CNBD1: variants seen among roughly 807,000 people sequenced by gnomAD.
CNBD1 encodes cyclic nucleotide binding domain containing 1.
CNBD1 carries 71 observed loss-of-function variants against 54.4 expected under a neutral mutation model. The observed-to-expected ratio is 1.30, with a 90% confidence interval of 1.08 to 1.59. The LOEUF (loss-of-function observed/expected upper bound fraction) is 1.59. Ranked by LOEUF, CNBD1 falls within the 40% of genes most tolerant of loss-of-function variation. The probability of loss-of-function intolerance (pLI) is 0.00; values close to 1 mark genes in which losing one functional copy is unlikely to be tolerated. For missense variants in CNBD1, 659 were observed against 518.0 expected, an observed-to-expected ratio of 1.27 and a Z score of -2.64; for synonymous variants, 182 against 170.7, an observed-to-expected ratio of 1.07 and a Z score of -0.51.
At chr8:87,229,205 G>A (rs763845864) in intron 5 of CNBD1, among the ~76,000 whole-genome samples, 16 of 152,066 alleles carry the variant, frequency 1.1e-4, no homozygotes, top group South Asian at 1.0e-3. Flanking sequence ...GAAATCACCC[G>A]TCTTCTGCAT....
intron 4 of CNBD1, among the ~76,000 whole-genome samples, chr8:86,976,958 C>T (rs1336275253): frequency 1.3e-5 from 2 of 151,980 alleles, no homozygotes; most frequent in South Asian, 2.1e-4. Context: ...TAAGATCATT[C>T]TATCGGCAAA....
chr8:86,905,547 A>G (rs934556454), intron 3 of CNBD1, among the ~76,000 whole-genome samples: 1 of 152,120 alleles, frequency 6.6e-6, no homozygotes, highest in African/African-American at 2.4e-5. Context: ...GGTGGAGGAT[A>G]TTTGGAGGTG....
At chr8:87,205,760 G>T (rs762721737) in intron 4 of CNBD1, among the ~76,000 whole-genome samples, 1 of 152,024 alleles carries the variant, frequency 6.6e-6, no homozygotes, top group Admixed American at 6.6e-5. Flanking sequence ...ATTTAAAAAG[G>T]CATTGTGTAA....
At chr8:87,129,619 T>A (rs1812074827) in intron 4 of CNBD1, among the ~76,000 whole-genome samples, 1 of 152,206 alleles carries the variant, frequency 6.6e-6, no homozygotes, top group Non-Finnish European at 1.5e-5. Context: ...TTTTTGTTTT[T>A]CAAGATGTAG....
In CNBD1 at chr8:87,249,730, A is replaced by G. The variant is rs78833643; in HGVS notation, c.771+12618A>G. 3.7e-3 allele frequency among the ~76,000 whole-genome samples: 566 copies of G among 152,306 alleles called. 2 individuals are homozygous for G. Among genetic ancestry groups the G allele is most frequent in the African/African-American group, 0.013 (543 of 41,582 alleles). On this transcript the variant is annotated intron_variant, in intron 6 of 10. Transcript: ENST00000518476. ...GCAAGCAAAACAGGAGTGAAGTGCTATTGAGCAGATGAATATGTTTCTGAT... is the reference window on the plus strand; with the variant it reads ...GCAAGCAAAACAGGAGTGAAGTGCTGTTGAGCAGATGAATATGTTTCTGAT...
At chr8:87,380,556 G>A (rs535585531) in intron 10 of CNBD1, among the ~76,000 whole-genome samples, 34 of 151,986 alleles carry the variant, frequency 2.2e-4, no homozygotes, top group African/African-American at 7.7e-4. Flanking sequence ...CTGAAAAAAA[G>A]CACCATTAGG....
At chr8:87,390,135 C>G (rs1811277513) in intron 2 of CNBD1, among the ~76,000 whole-genome samples, 1 of 151,602 alleles carries the variant, frequency 6.6e-6, no homozygotes, top group South Asian at 2.1e-4. Context: ...GACCTAAAAC[C>G]ATAAAAACCC....
chr8:87,146,245 T>G (rs1812484856), intron 4 of CNBD1, among the ~76,000 whole-genome samples: 1 of 152,140 alleles, frequency 6.6e-6, no homozygotes, highest in Admixed American at 6.5e-5. Flanking sequence ...TTATAATATA[T>G]TTGCATACAA....
chr8:87,149,782 A>C (rs2130747130), intron 4 of CNBD1, among the ~76,000 whole-genome samples: 1 of 152,222 alleles, frequency 6.6e-6, no homozygotes, highest in East Asian at 1.9e-4. Flanking sequence ...CTGTAATGAG[A>C]ATAGAAGGTG....
In CNBD1 at chr8:87,163,422, A is replaced by G. The variant is rs924691012; in HGVS notation, c.432-42571A>G. Among the ~76,000 whole-genome samples, 5 of 152,046 alleles carry G rather than the reference A, an allele frequency of 3.3e-5. No homozygotes were observed. Among genetic ancestry groups the G allele is most frequent in the South Asian group, 2.1e-4 (1 of 4,818 alleles). ...CAGATCACTTCAGGTCATATGAATA[A>G]TTTAATATTAATTTCTTCAACCCAT... On this transcript the variant is annotated intron_variant, in intron 4 of 10. Coordinates refer to ENST00000518476, the MANE Select transcript of CNBD1 (RefSeq NM_173538.3). This position sits in a 1 kb window ranked among gnomAD's most constrained non-coding sequence, Gnocchi z 4.5.
chr8:87,289,219 A>G lies in CNBD1; in HGVS notation c.1042+2548A>G, dbSNP rs1313199209. Reference sequence around the variant, plus strand: ...ATTTAGTTAATTATTCAAAAGCTTGATAGAGTTTAGGATTAATCCTTGGCA... The same window carrying G: ...ATTTAGTTAATTATTCAAAAGCTTGGTAGAGTTTAGGATTAATCCTTGGCA... On this transcript the variant is annotated intron_variant, in intron 8 of 10. Transcript: ENST00000518476. 3.9e-5 allele frequency among the ~76,000 whole-genome samples: 6 copies of G among 152,134 alleles called. No homozygotes were observed. In the East Asian group the frequency reaches 1.2e-3, roughly 29 times the overall value.
chr8:86,886,796 TA>T (rs1328114751), intron 1 of CNBD1, among the ~76,000 whole-genome samples: 3 of 152,146 alleles, frequency 2.0e-5, no homozygotes, highest in Non-Finnish European at 4.4e-5. Context: ...GAGTATTTAT[TA>T]TTTTTTTTTA....
Position 87,206,153 on chromosome 8 carries a change from T to G in CNBD1, c.577+15T>G. The stretch of plus-strand genomic sequence containing the variant: ...AGGCAGCACAGGTAATAGACTAATG[T>G]GGGATAAATTTGGCGAGATAAAATG... On this transcript the variant is annotated intron_variant, in intron 5 of 10. Transcript: ENST00000518476. 6.5e-7 allele frequency: 1 copy of G among 1,529,752 alleles called. No individual in the cohort carries two copies. The highest frequency in any genetic ancestry group is 8.8e-7 in the Non-Finnish European group (1 of 1,138,718). The allele number at this position is 1,529,752 out of a possible 1,614,324, so 94.8% of individuals were successfully genotyped here. A position where few individuals can be genotyped will look rare whatever the true frequency, so the allele number is the denominator to read the frequency against.
At chr8:86,996,888 A>T (rs1357538990) in intron 4 of CNBD1, among the ~76,000 whole-genome samples, 1 of 152,214 alleles carries the variant, frequency 6.6e-6, no homozygotes, top group Non-Finnish European at 1.5e-5. Context: ...TCTGGTGAGG[A>T]CCAGCTTTAT....
intron 2 of CNBD1, among the ~76,000 whole-genome samples, chr8:87,399,560 C>T (rs1807509670): frequency 6.6e-6 from 1 of 151,926 alleles, no homozygotes; most frequent in Non-Finnish European, 1.5e-5. Flanking sequence ...ATTTATGAAC[C>T]TAATATAAAG....
chr8:87,378,685 G>A (rs1225517866), intron 10 of CNBD1, among the ~76,000 whole-genome samples: 11 of 150,866 alleles, frequency 7.3e-5, no homozygotes, highest in East Asian at 1.9e-4. Context: ...TTCCAATTCT[G>A]CGAAGAAAGG....
At chr8:86,986,420 G>A (rs1808608821) in intron 4 of CNBD1, among the ~76,000 whole-genome samples, 1 of 152,054 alleles carries the variant, frequency 6.6e-6, no homozygotes, top group South Asian at 2.1e-4. Flanking sequence ...TTAGAACTTT[G>A]ATGGATGCAT....
Position 87,341,290 on chromosome 8 carries a change from G to C in CNBD1, c.1043-10395G>C, listed in dbSNP as rs560394093. 1.8e-4 allele frequency among the ~76,000 whole-genome samples: 27 copies of C among 152,104 alleles called. 1 individual carries two copies. In the South Asian group the frequency reaches 5.2e-3, roughly 29 times the overall value. On this transcript the variant is annotated intron_variant, in intron 8 of 10. Transcript: ENST00000518476. Reference sequence around the variant, plus strand: ...GACACCCAGATATCTAGAGTATGCTGGGTCTCATCAGTGCTCTGAGAGAGA... The same window carrying C: ...GACACCCAGATATCTAGAGTATGCTCGGTCTCATCAGTGCTCTGAGAGAGA...
At chr8:87,139,697 A>G (rs1812333210) in intron 4 of CNBD1, among the ~76,000 whole-genome samples, 1 of 152,138 alleles carries the variant, frequency 6.6e-6, no homozygotes. Context: ...AGCACAACCA[A>G]GCCGAAGGAC....
Sources: allele counts gnomAD v4.1 joint callset (sites outside exome capture counted in the v4.1 genomes callset), GRCh38; gene constraint gnomAD v4.1.1; non-coding constraint Gnocchi (gnomAD v3.1); transcripts MANE v1.5; gene names NCBI Gene and HGNC (gene_info 2026-07-23, HGNC 2026-07-21).